The following JMJD1C variants were observed in gnomAD, a reference collection of about 807,000 sequenced individuals.
JMJD1C encodes jumonji domain-containing protein 1C.
Under a neutral mutation model 245.3 loss-of-function variants are expected in JMJD1C, and 31 were observed. The observed-to-expected ratio is 0.13, with a 90% CI of 0.09 to 0.17. The LOEUF (loss-of-function observed/expected upper bound fraction) is 0.17. JMJD1C is among the 10% of genes least tolerant of loss of function. The pLI, the probability that JMJD1C is intolerant of heterozygous loss-of-function variation, is 1.00. For missense variants in JMJD1C, 2,691 were observed against 3,000.2 expected, an observed-to-expected ratio of 0.90 and a Z score of 2.41; for synonymous variants, 1,057 against 1,017.4, an observed-to-expected ratio of 1.04 and a Z score of -0.74.
At chr10:63,518,016 C>T (rs1276584290) in intron 1 of JMJD1C, among the ~76,000 whole-genome samples, 1 of 152,178 alleles carries the variant, frequency 6.6e-6, no homozygotes, top group Non-Finnish European at 1.5e-5. Context: ...TGGCCTCGAA[C>T]TCTTGGCCTC....
intron 2 of JMJD1C, among the ~76,000 whole-genome samples, chr10:63,366,256 T>A (rs1409432228): frequency 6.6e-6 from 1 of 152,174 alleles, no homozygotes; most frequent in African/African-American, 2.4e-5. Context: ...TTGCTGAGAT[T>A]CCCTGTTTGA....
chr10:63,417,982 TAAAG>T (rs1310403302), intron 1 of JMJD1C, among the ~76,000 whole-genome samples: 1 of 152,172 alleles, frequency 6.6e-6, no homozygotes, highest in Non-Finnish European at 1.5e-5. Flanking sequence ...AACTTAATTC[TAAAG>T]AAAGATCAAC....
chr10:63,489,808 G>T (rs1307023342), intron 1 of JMJD1C, among the ~76,000 whole-genome samples: 1 of 152,034 alleles, frequency 6.6e-6, no homozygotes, highest in Non-Finnish European at 1.5e-5. Flanking sequence ...CACTGGGTCT[G>T]GCCCACTTTT....
intron 1 of JMJD1C, among the ~76,000 whole-genome samples, chr10:63,485,155 A>G (rs1041768754): frequency 1.1e-4 from 17 of 152,012 alleles, no homozygotes; most frequent in African/African-American, 3.6e-4. Context: ...AAAATTCAAA[A>G]CAACTAGCAC....
At chr10:63,182,897 T>C (rs1435746490) in intron 22 of JMJD1C, among the ~76,000 whole-genome samples, 1 of 152,156 alleles carries the variant, frequency 6.6e-6, no homozygotes, top group Non-Finnish European at 1.5e-5. Context: ...GTTTTGCTCT[T>C]GTTGCCCAGG....
intron 2 of JMJD1C, among the ~76,000 whole-genome samples, chr10:63,279,469 T>C (rs1324514747): frequency 2.6e-5 from 4 of 152,228 alleles, no homozygotes; most frequent in Non-Finnish European, 5.9e-5. Context: ...AAGTAGAATG[T>C]ACAGAAGCAC....
At chr10:63,279,613 T>G (rs1477963894) in intron 2 of JMJD1C, among the ~76,000 whole-genome samples, 1 of 152,166 alleles carries the variant, frequency 6.6e-6, no homozygotes, top group Admixed American at 6.5e-5. Context: ...AAAAAAAAAT[T>G]TTTAAATTAG....
intron 1 of JMJD1C, among the ~76,000 whole-genome samples, chr10:63,506,363 T>C (rs558734245): frequency 2.0e-5 from 3 of 152,322 alleles, no homozygotes; most frequent in Non-Finnish European, 2.9e-5. Context: ...ATTAATGTGG[T>C]TATGAATTAA....
At chr10:63,246,518 A>C (rs2133572071) in intron 3 of JMJD1C, among the ~76,000 whole-genome samples, 1 of 152,320 alleles carries the variant, frequency 6.6e-6, no homozygotes, top group African/African-American at 2.4e-5. Flanking sequence ...ATGGAGAGAG[A>C]ATTTTTTTTT....
At chr10:63,289,036 T>TG (rs1858333110) in intron 2 of JMJD1C, among the ~76,000 whole-genome samples, 1 of 151,978 alleles carries the variant, frequency 6.6e-6, no homozygotes, top group African/African-American at 2.4e-5. Context: ...CCTTAGTTCT[T>TG]GCAATAAATT....
At chr10:63,495,733 CA>C in intron 1 of JMJD1C, among the ~76,000 whole-genome samples, 1 of 114,604 alleles carries the variant, frequency 8.7e-6, no homozygotes, top group South Asian at 3.3e-4. Flanking sequence ...ACTCCAGCCT[CA>C]AAAAAAACAA....
At chr10:63,178,898 A>C (rs572939371) in intron 22 of JMJD1C, among the ~76,000 whole-genome samples, 1 of 152,226 alleles carries the variant, frequency 6.6e-6, no homozygotes, top group Non-Finnish European at 1.5e-5. Context: ...CTTTTTAAAA[A>C]TTTTGTATAA....
intron 2 of JMJD1C, among the ~76,000 whole-genome samples, chr10:63,271,889 T>A (rs1043189197): frequency 1.3e-5 from 2 of 151,932 alleles, no homozygotes; most frequent in Non-Finnish European, 2.9e-5. Context: ...AGCCTGGCCA[T>A]CATGGCAAAC....
intron 3 of JMJD1C, among the ~76,000 whole-genome samples, chr10:63,260,594 A>C (rs1854576878): frequency 6.6e-6 from 1 of 152,092 alleles, no homozygotes; most frequent in Admixed American, 6.5e-5. Context: ...ACAAAAAAAA[A>C]ACTATTTTTT....
intron 5 of JMJD1C, 53 bp downstream of exon 5, chr10:63,217,154 T>A: frequency 1.3e-6 from 2 of 1,494,990 alleles, no homozygotes; most frequent in Non-Finnish European, 1.8e-6. Flanking sequence ...TTGGGGGGCA[T>A]GGATGATTTG....
At chr10:63,282,309 T>C (rs1475118832) in intron 2 of JMJD1C, among the ~76,000 whole-genome samples, 1 of 152,216 alleles carries the variant, frequency 6.6e-6, no homozygotes, top group Non-Finnish European at 1.5e-5. Flanking sequence ...TTTTTGCATA[T>C]TTAGAAGATT....
At chr10:63,336,561 C>G (rs1322613981) in intron 2 of JMJD1C, among the ~76,000 whole-genome samples, 3 of 152,100 alleles carry the variant, frequency 2.0e-5, no homozygotes, top group Middle Eastern at 6.8e-3. Flanking sequence ...AAGCTATTTC[C>G]TAGGATACTT....
chr10:63,483,851 T>A (rs533160597), intron 1 of JMJD1C, among the ~76,000 whole-genome samples: 12 of 152,212 alleles, frequency 7.9e-5, no homozygotes, highest in Non-Finnish European at 1.6e-4. Context: ...GATTAAAAAT[T>A]TTAATATCTT....
At chr10:63,313,133 T>C (rs900107902) in intron 2 of JMJD1C, among the ~76,000 whole-genome samples, 1 of 152,202 alleles carries the variant, frequency 6.6e-6, no homozygotes, top group African/African-American at 2.4e-5. Flanking sequence ...CAAAGTCCAC[T>C]GTATGATTCT....
Sources: gnomAD v4.1 joint callset for allele counts (sites outside exome capture counted in the v4.1 genomes callset) on GRCh38, gnomAD v4.1.1 for gene constraint, MANE v1.5 for transcripts, NCBI Gene and HGNC (gene_info 2026-07-23, HGNC 2026-07-21) for gene names.